The following DLL4 variants were observed in gnomAD, a reference collection of about 807,000 sequenced individuals.
The protein encoded by DLL4 is delta-like protein 4.
DLL4 carries 7 observed loss-of-function variants against 73.6 expected under a neutral mutation model. The observed-to-expected ratio is 0.10, with a 90% CI of 0.05 to 0.18. The LOEUF is 0.18. Ranked by LOEUF, DLL4 falls within the 10% of genes least tolerant of loss-of-function variation. The probability of loss-of-function intolerance (pLI) is 1.00; values close to 1 mark genes in which losing one functional copy is unlikely to be tolerated. For synonymous variants in DLL4, 345 were observed against 374.3 expected (o/e 0.92, Z 0.90); for missense variants, 614 against 929.9 (o/e 0.66, Z 4.42).
At chr15:40,934,033 A>G (rs866596049) in intron 6 of DLL4, among the ~76,000 whole-genome samples, 1 of 150,840 alleles carries the variant, frequency 6.6e-6, no homozygotes, top group African/African-American at 2.4e-5. Context: ...AAAAAAAAAA[A>G]AAAAAAAAGA....
chr15:40,935,166 A>G, intron 8 of DLL4, 49 bp downstream of exon 8: 1 of 1,553,018 alleles, frequency 6.4e-7, no homozygotes, highest in South Asian at 1.2e-5. Flanking sequence ...TGGGGCTGAG[A>G]GAGACTTCTG....
intron 8 of DLL4, 63 bp from the exon 9 acceptor site, chr15:40,936,165 C>T: frequency 3.5e-6 from 5 of 1,420,430 alleles, no homozygotes; most frequent in Non-Finnish European, 3.7e-6. Flanking sequence ...GAATGGGGCT[C>T]CCACCCCCTG....
At position 40,930,839 on chromosome 15, in the gene DLL4, C is replaced by A. The variant is rs530873900; in HGVS notation, c.394+157C>A. On this transcript the variant is annotated intron_variant, in intron 3 of 10. Transcript: ENST00000249749. This position sits in a 1 kb window ranked among gnomAD's most constrained non-coding sequence, Gnocchi z 5.7. ...CCGCGCTGGACGCTCGGATTCCGCT[C>A]GCTGCCTGGACTCAGAGCACAATTG... 1.6e-4 allele frequency: 119 copies of A among 729,198 alleles called. No homozygotes were observed. Among genetic ancestry groups the A allele is most frequent in the Non-Finnish European group, 2.5e-4 (111 of 440,350 alleles). The allele number at this position is 729,198 out of a possible 1,614,324, so 45.2% of individuals were successfully genotyped here. A position where few individuals can be genotyped will look rare whatever the true frequency, so the allele number is the denominator to read the frequency against.
intron 6 of DLL4, among the ~76,000 whole-genome samples, chr15:40,934,225 T>C (rs1892810360): frequency 6.8e-6 from 1 of 147,460 alleles, no homozygotes; most frequent in African/African-American, 2.5e-5. Context: ...ACTTAGAAGG[T>C]TGAGGTATGA....
At chr15:40,932,491 G>C (rs1442381210) in intron 6 of DLL4, 44 bp downstream of exon 6, 1 of 1,606,816 alleles carries the variant, frequency 6.2e-7, no homozygotes, top group South Asian at 1.1e-5. Flanking sequence ...CAAGAGATAT[G>C]GGGCTGGGGG....
chr15:40,936,001 T>A (rs760526442), intron 8 of DLL4, among the ~76,000 whole-genome samples: 1 of 152,172 alleles, frequency 6.6e-6, no homozygotes, highest in Non-Finnish European at 1.5e-5. Flanking sequence ...TGATTCTACG[T>A]TAAAGTTCTG....
intron 10 of DLL4, 52 bp from the exon 11 acceptor site, chr15:40,937,977 G>T (rs1892868681): frequency 6.3e-7 from 1 of 1,595,686 alleles, no homozygotes; most frequent in Admixed American, 1.7e-5. Flanking sequence ...GGGCCTGGAG[G>T]GAGTGCGCAT....
chr15:40,932,145 C>T (rs779296952), intron 4 of DLL4, 26 bp from the exon 5 acceptor site: 1 of 1,613,940 alleles, frequency 6.2e-7, no homozygotes, highest in Admixed American at 1.7e-5. Context: ...ATCCCAGCCT[C>T]ACCCAGCTCT....
In DLL4 at chr15:40,935,059, C is replaced by T. The variant is rs1892824236; in HGVS notation, c.1182C>T (p.Phe394=). The T allele has an allele frequency of 6.2e-7, 1 of 1,613,486 alleles. No homozygotes were observed. The highest frequency in any genetic ancestry group is 8.5e-7 in the Non-Finnish European group (1 of 1,179,906). ...ATGCTTGTGAATGTCCCCCCAACTT[C>T]ACCGGCTCCAACTGCGAGAAGAAAG... ...ANYACECPPN[F]TGSNCEKKVD... The change falls in exon 8 of 11, where the codon TTC becomes TTT. Residue 394 remains phenylalanine (F), a synonymous_variant. Transcript: ENST00000249749.
At chr15:40,937,155 G>A (rs556880876) in intron 9 of DLL4, among the ~76,000 whole-genome samples, 6 of 152,282 alleles carry the variant, frequency 3.9e-5, no homozygotes, top group East Asian at 3.9e-4. Flanking sequence ...TGTGACTTCC[G>A]TCTTTCCACA....
At chr15:40,937,998 A>G in intron 10 of DLL4, 31 bp from the exon 11 acceptor site, 2 of 1,602,946 alleles carry the variant, frequency 1.2e-6, no homozygotes, top group East Asian at 2.3e-5. Flanking sequence ...GCCCAGGGTA[A>G]CCTGTTTCCC....
In DLL4 at chr15:40,929,491, C is replaced by A. The variant is rs955366765; in HGVS notation, c.-178C>A. The A allele has an allele frequency of 1.6e-6, 1 of 611,724 alleles. No individual in the cohort carries two copies. Among genetic ancestry groups the A allele is most frequent in the African/African-American group, 1.9e-5 (1 of 51,996 alleles). 37.9% of individuals were successfully genotyped at this position (611,724 alleles called of 1,614,324 possible). ...CGCGGTCGCCGCCCAGCCGTAGTCA[C>A]CTGGATTACCTACAGCGGCAGCTGC... On this transcript the variant is annotated 5_prime_UTR_variant, in exon 1 of 11. Coordinates refer to ENST00000249749, the MANE Select transcript of DLL4 (RefSeq NM_019074.4). This position sits in a 1 kb window ranked among gnomAD's most constrained non-coding sequence, Gnocchi z 7.1.
chr15:40,937,990 C>T (rs1371983389), intron 10 of DLL4, 39 bp from the exon 11 acceptor site: 2 of 1,601,160 alleles, frequency 1.2e-6, no homozygotes, highest in South Asian at 1.1e-5. Context: ...GTGCGCATGC[C>T]CAGGGTAACC....
chr15:40,935,357 T>C (rs922296738), intron 8 of DLL4, among the ~76,000 whole-genome samples: 1 of 152,320 alleles, frequency 6.6e-6, no homozygotes, highest in Admixed American at 6.5e-5. Context: ...CCTATTCCCA[T>C]GTCAGAACCC....
chr15:40,932,262 A>G (rs1392923270), intron 5 of DLL4, 31 bp downstream of exon 5: 1 of 1,613,908 alleles, frequency 6.2e-7, no homozygotes, highest in South Asian at 1.1e-5. Flanking sequence ...GGTGAGTGGG[A>G]GCCCTCCCTT....
chr15:40,931,525 C>A lies in DLL4; in HGVS notation c.417C>A (p.Leu139=). ...LRPEALPPDA[L]ISKIAIQGSL... is the part of the protein sequence containing the mutation. Reference sequence around the variant, plus strand: ...CAGAGGCCTTGCCACCAGATGCACTCATCAGCAAGATCGCCATCCAGGGCT... The same window carrying A: ...CAGAGGCCTTGCCACCAGATGCACTAATCAGCAAGATCGCCATCCAGGGCT... The change falls in exon 4 of 11, where the codon CTC becomes CTA. Residue 139 remains leucine (L), a synonymous_variant. Transcript: ENST00000249749. The A allele has an allele frequency of 6.2e-7, 1 of 1,609,086 alleles. No individual in the cohort carries two copies. Among genetic ancestry groups the A allele is most frequent in the Non-Finnish European group, 8.5e-7 (1 of 1,177,876 alleles).
In DLL4 at chr15:40,931,783, C is replaced by T; in HGVS notation, c.658+17C>T. 1.2e-6 allele frequency: 2 copies of T among 1,612,436 alleles called. No homozygotes were observed. Among genetic ancestry groups the T allele is most frequent in the Non-Finnish European group, 1.7e-6 (2 of 1,179,194 alleles). Reference sequence around the variant, plus strand: ...GCCAACAGCGTAAGCAGTCAAGCTCCCACCTGTGTGGAAGGGGAGGGTCCC... The same window carrying T: ...GCCAACAGCGTAAGCAGTCAAGCTCTCACCTGTGTGGAAGGGGAGGGTCCC... On this transcript the variant is annotated intron_variant, in intron 4 of 10. Transcript: ENST00000249749.
chr15:40,929,725 T>G lies in DLL4; in HGVS notation c.57T>G (p.Leu19=), dbSNP rs1892736029. ...GGGCGCTACTGCTGCTGGTGGCACTTTGGCAGCAGGTAACACGTCCCGCGC... is the reference window on the plus strand; with the variant it reads ...GGGCGCTACTGCTGCTGGTGGCACTGTGGCAGCAGGTAACACGTCCCGCGC... ...SGWALLLLVA[L]WQQRAAGSGV... Residue 19 remains leucine (L), a synonymous_variant, in exon 1 of 11, where the codon CTT becomes CTG. Coordinates refer to ENST00000249749, the MANE Select transcript of DLL4 (RefSeq NM_019074.4). The surrounding 1 kb of genome is among the most constrained non-coding windows in gnomAD (Gnocchi z 7.1). The G allele has an allele frequency of 6.3e-7, 1 of 1,598,998 alleles. No individual in the cohort carries two copies. The highest frequency in any genetic ancestry group is 1.3e-5 in the African/African-American group (1 of 74,496).
Position 40,938,051 on chromosome 15 carries a change from G to A in DLL4, c.*17G>A, listed in dbSNP as rs1268622055. 6.4e-7 allele frequency: 1 copy of A among 1,569,048 alleles called. No individual in the cohort carries two copies. The highest frequency in any genetic ancestry group is 2.3e-5 in the East Asian group (1 of 43,576). On this transcript the variant is annotated 3_prime_UTR_variant, in exon 11 of 11. Transcript: ENST00000249749. ...CAGGTATAAGGCAGGAGCCTACCTG[G>A]ACATCCCTGCTCAGCCCCGCGGCTG...
Sources: gnomAD v4.1 joint callset for allele counts (sites outside exome capture counted in the v4.1 genomes callset) on GRCh38, gnomAD v4.1.1 for gene constraint, Gnocchi (gnomAD v3.1) non-coding constraint, MANE v1.5 for transcripts, NCBI Gene and HGNC (gene_info 2026-07-23, HGNC 2026-07-21) for gene names.